GRID2: variants seen among roughly 807,000 people sequenced by gnomAD.
The protein encoded by GRID2 is glutamate receptor ionotropic, delta-2.
In GRID2, 33 loss-of-function variants were observed where a neutral mutation model predicts 114.8. The ratio of observed to expected loss-of-function variants is 0.29; its 90% CI spans 0.22 to 0.38. GRID2 has a LOEUF of 0.38. GRID2 is among the 10% of genes least tolerant of loss of function. The pLI is 1.00. For missense variants in GRID2, 1,184 were observed against 1,257.7 expected (o/e 0.94, Z 0.89); for synonymous variants, 505 against 449.9 (o/e 1.12, Z -1.55).
intron 2 of GRID2, among the ~76,000 whole-genome samples, chr4:92,786,236 A>G (rs1289549777): frequency 6.6e-6 from 1 of 151,830 alleles, no homozygotes; most frequent in Non-Finnish European, 1.5e-5. Flanking sequence ...TTATTAAGGA[A>G]ATGTTGGACA....
chr4:92,770,844 C>A (rs1322073852), intron 2 of GRID2, among the ~76,000 whole-genome samples: 1 of 152,140 alleles, frequency 6.6e-6, no homozygotes, highest in Non-Finnish European at 1.5e-5. Flanking sequence ...TGAGTGGGGA[C>A]ACAGACAAAC....
chr4:92,509,860 T>C (rs1724155724), intron 1 of GRID2, among the ~76,000 whole-genome samples: 3 of 151,830 alleles, frequency 2.0e-5, no homozygotes, highest in African/African-American at 7.3e-5. Context: ...CTTTAAAAAA[T>C]AGAGCAGAAA....
intron 2 of GRID2, among the ~76,000 whole-genome samples, chr4:93,049,408 ACT>A (rs1396246175): frequency 4.6e-5 from 7 of 151,616 alleles, no homozygotes; most frequent in Admixed American, 2.6e-4. Context: ...TTCACTTTTG[ACT>A]CTCTGTTTTC....
At chr4:93,450,396 T>G (rs563626427) in intron 10 of GRID2, among the ~76,000 whole-genome samples, 1 of 152,026 alleles carries the variant, frequency 6.6e-6, no homozygotes, top group East Asian at 1.9e-4. Context: ...GGTGTAATGT[T>G]AAAATAATGC....
intron 7 of GRID2, among the ~76,000 whole-genome samples, chr4:93,233,102 G>C (rs1433638335): frequency 6.6e-6 from 1 of 152,160 alleles, no homozygotes; most frequent in East Asian, 1.9e-4. Flanking sequence ...TCCAGGAAAG[G>C]GGAAGGAAGA....
At chr4:93,586,095 A>T (rs1171729394) in intron 13 of GRID2, among the ~76,000 whole-genome samples, 2 of 152,062 alleles carry the variant, frequency 1.3e-5, no homozygotes, top group Admixed American at 1.3e-4. Flanking sequence ...ATCCAAGCAC[A>T]TTTTATGCTT....
chr4:92,706,069 C>T (rs1242404882), intron 2 of GRID2, among the ~76,000 whole-genome samples: 1 of 152,190 alleles, frequency 6.6e-6, no homozygotes, highest in African/African-American at 2.4e-5. Context: ...GTTTTAAAAA[C>T]ATCAAGGTCT....
chr4:93,662,722 C>A (rs902940453), intron 14 of GRID2, among the ~76,000 whole-genome samples: 4 of 151,942 alleles, frequency 2.6e-5, no homozygotes, highest in African/African-American at 9.7e-5. Context: ...ATTAGGCTAT[C>A]AAAATAAAAA....
At chr4:93,106,847 C>T (rs1214700244) in intron 3 of GRID2, among the ~76,000 whole-genome samples, 1 of 152,066 alleles carries the variant, frequency 6.6e-6, no homozygotes, top group African/African-American at 2.4e-5. Flanking sequence ...GGCAATCTGG[C>T]CTGTTGGTGG....
chr4:93,320,529 G>A (rs1757100538), intron 8 of GRID2, among the ~76,000 whole-genome samples: 1 of 151,974 alleles, frequency 6.6e-6, no homozygotes, highest in African/African-American at 2.4e-5. Context: ...TTTTTGAGGT[G>A]CAGCCAAGGT....
chr4:92,770,522 C>A (rs949283006), intron 2 of GRID2, among the ~76,000 whole-genome samples: 1 of 152,044 alleles, frequency 6.6e-6, no homozygotes, highest in South Asian at 2.1e-4. Context: ...TAAAGACATA[C>A]CCGAGACTGG....
intron 9 of GRID2, among the ~76,000 whole-genome samples, chr4:93,414,736 C>T (rs1767543488): frequency 7.0e-6 from 1 of 143,264 alleles, no homozygotes; most frequent in African/African-American, 2.7e-5. Context: ...CTGTCACTCC[C>T]ACTAAAATGT....
At position 93,497,466 on chromosome 4, in the gene GRID2, A is replaced by T. The variant is rs989399489; in HGVS notation, c.1997+6689A>T. Among the ~76,000 whole-genome samples, 4 of 151,652 alleles carry T rather than the reference A, an allele frequency of 2.6e-5. No individual in the cohort carries two copies. In the East Asian group the frequency reaches 5.8e-4, roughly 22 times the overall value. On this transcript the variant is annotated intron_variant, in intron 12 of 15. Transcript: ENST00000282020. ...TCCAAGGTCATGAAGATTTTCTCCT[A>T]TTTCTTCTAAAAGTTTTATAGTTTT...
chr4:93,420,261 A>T (rs1768131964), intron 9 of GRID2, among the ~76,000 whole-genome samples: 6 of 152,214 alleles, frequency 3.9e-5, no homozygotes, highest in Admixed American at 3.9e-4. Context: ...AAGCTATATT[A>T]ATTATAGAAC....
At chr4:93,417,212 T>C (rs1488379526) in intron 9 of GRID2, among the ~76,000 whole-genome samples, 1 of 152,084 alleles carries the variant, frequency 6.6e-6, no homozygotes, top group Non-Finnish European at 1.5e-5. Context: ...CATAATCTCC[T>C]GTCATCTGGG....
chr4:92,829,025 C>A (rs1258402710), intron 2 of GRID2, among the ~76,000 whole-genome samples: 1 of 152,070 alleles, frequency 6.6e-6, no homozygotes, highest in Non-Finnish European at 1.5e-5. Context: ...TTAATTAGAT[C>A]CCATTTGTCA....
At chr4:92,680,619 A>G (rs1171869105) in intron 2 of GRID2, among the ~76,000 whole-genome samples, 1 of 152,170 alleles carries the variant, frequency 6.6e-6, no homozygotes, top group Non-Finnish European at 1.5e-5. Flanking sequence ...TGAACAGCAT[A>G]AAGAATAATG....
chr4:93,677,984 T>C (rs934130706), intron 14 of GRID2, among the ~76,000 whole-genome samples: 20 of 151,678 alleles, frequency 1.3e-4, no homozygotes, highest in Non-Finnish European at 5.9e-5. Flanking sequence ...TACTCCGAGC[T>C]ACAGGAGGAA....
chr4:92,741,489 C>A (rs1320621120), intron 2 of GRID2, among the ~76,000 whole-genome samples: 1 of 152,100 alleles, frequency 6.6e-6, no homozygotes, highest in Non-Finnish European at 1.5e-5. Context: ...ATCCTACATG[C>A]CATCCAAACT....
Sources: gnomAD v4.1 joint callset for allele counts (sites outside exome capture counted in the v4.1 genomes callset) on GRCh38, gnomAD v4.1.1 for gene constraint, MANE v1.5 for transcripts, NCBI Gene and HGNC (gene_info 2026-07-23, HGNC 2026-07-21) for gene names.